Variants in CTNND2 observed in about 807,000 individuals in gnomAD.
CTNND2 encodes the protein catenin delta 2, also known as catenin delta-2.
Under a neutral mutation model 144.4 loss-of-function variants are expected in CTNND2, and 22 were observed. The observed-to-expected ratio is 0.15, with a 90% CI of 0.11 to 0.22. The LOEUF (loss-of-function observed/expected upper bound fraction) is 0.22, where lower values mean the gene tolerates loss of function less well. Among genes scored for constraint, CTNND2 ranks in the 10% least tolerant of loss-of-function variants. The pLI is 1.00. For synonymous variants in CTNND2, 751 were observed against 695.6 expected (o/e 1.08, Z -1.25); for missense variants, 1,353 against 1,618.8 (o/e 0.84, Z 2.82).
intron 1 of CTNND2, among the ~76,000 whole-genome samples, chr5:11,889,787 A>AT (rs1384084705): frequency 1.3e-5 from 2 of 152,228 alleles, no homozygotes; most frequent in Non-Finnish European, 2.9e-5. Context: ...ACATTTTATT[A>AT]CATTGCAACT....
intron 9 of CTNND2, among the ~76,000 whole-genome samples, chr5:11,330,483 CAAAAAAAAAAAAAAA>C (rs10627159): frequency 4.6e-5 from 2 of 43,442 alleles, no homozygotes; most frequent in East Asian, 8.0e-4. Flanking sequence ...GACTCCGTCT[CAAAAAAAAAAAAAAA>C]AAAAAAAAAA....
chr5:11,022,570 T>C (rs1742370936), intron 17 of CTNND2, among the ~76,000 whole-genome samples, 199 bp downstream of exon 17: 1 of 152,170 alleles, frequency 6.6e-6, no homozygotes, highest in Admixed American at 6.5e-5. Flanking sequence ...AAGGAGCACA[T>C]GGGTGTGCTG....
intron 7 of CTNND2, among the ~76,000 whole-genome samples, chr5:11,378,274 C>T (rs1182284950): frequency 6.6e-6 from 1 of 152,156 alleles, no homozygotes; most frequent in East Asian, 1.9e-4. Context: ...TCTAAAGACA[C>T]CTGGGGCAGG....
At chr5:11,519,570 G>A (rs372723738) in intron 3 of CTNND2, among the ~76,000 whole-genome samples, 6 of 150,484 alleles carry the variant, frequency 4.0e-5, no homozygotes, top group South Asian at 4.2e-4. Flanking sequence ...GACGATTGGC[G>A]TCTTGTCTTC....
intron 2 of CTNND2, among the ~76,000 whole-genome samples, chr5:11,727,991 TAA>T (rs2126732726): frequency 1.3e-5 from 2 of 152,308 alleles, no homozygotes; most frequent in South Asian, 4.1e-4. Context: ...TATATAGAGT[TAA>T]GTTACTTTTG....
At chr5:11,419,005 T>G (rs896726958) in intron 3 of CTNND2, among the ~76,000 whole-genome samples, 21 of 148,686 alleles carry the variant, frequency 1.4e-4, no homozygotes, top group African/African-American at 4.4e-4. Context: ...TCTATATATA[T>G]ATATCTATAT....
At chr5:11,219,658 G>A (rs990516839) in intron 10 of CTNND2, among the ~76,000 whole-genome samples, 12 of 152,150 alleles carry the variant, frequency 7.9e-5, no homozygotes, top group African/African-American at 2.9e-4. Flanking sequence ...AGCAGAGAGA[G>A]GGGATGTGAT....
intron 14 of CTNND2, among the ~76,000 whole-genome samples, chr5:11,099,498 T>C (rs113639218): frequency 1.5e-4 from 23 of 152,296 alleles, no homozygotes; most frequent in African/African-American, 5.5e-4. Flanking sequence ...GAAGACTATG[T>C]AGCAACTTGG....
At chr5:11,340,659 C>T (rs1754165742) in intron 9 of CTNND2, among the ~76,000 whole-genome samples, 1 of 152,138 alleles carries the variant, frequency 6.6e-6, no homozygotes, top group Admixed American at 6.5e-5. Flanking sequence ...AAAGAAAATT[C>T]CAGATAAGAT....
intron 3 of CTNND2, among the ~76,000 whole-genome samples, chr5:11,472,160 G>C (rs1379034105): frequency 6.6e-6 from 1 of 152,034 alleles, no homozygotes; most frequent in Non-Finnish European, 1.5e-5. Flanking sequence ...TTTTGGGGGG[G>C]ATCCTCACTT....
At chr5:11,430,846 A>G (rs1300396508) in intron 3 of CTNND2, among the ~76,000 whole-genome samples, 1 of 152,222 alleles carries the variant, frequency 6.6e-6, no homozygotes, top group East Asian at 1.9e-4. Context: ...GTTTATCTGG[A>G]TAATCTGAGC....
At chr5:11,363,754 AT>A (rs1303573698) in intron 8 of CTNND2, among the ~76,000 whole-genome samples, 1 of 152,220 alleles carries the variant, frequency 6.6e-6, no homozygotes, top group Non-Finnish European at 1.5e-5. Context: ...GAAAATTGCT[AT>A]GCTCTACTTA....
intron 9 of CTNND2, among the ~76,000 whole-genome samples, chr5:11,323,583 G>C (rs2150072327): frequency 6.6e-6 from 1 of 152,288 alleles, no homozygotes; most frequent in African/African-American, 2.4e-5. Context: ...ACAGGGTACA[G>C]GATCCTGGGA....
chr5:11,778,953 C>A (rs1790399067), intron 1 of CTNND2, among the ~76,000 whole-genome samples: 2 of 152,136 alleles, frequency 1.3e-5, no homozygotes. Flanking sequence ...AAAAATCCCC[C>A]AAAATCAGTT....
intron 3 of CTNND2, among the ~76,000 whole-genome samples, chr5:11,485,043 A>G (rs1439673479): frequency 1.3e-5 from 2 of 152,208 alleles, no homozygotes; most frequent in African/African-American, 4.8e-5. Context: ...TCAAAAAAAA[A>G]TGTGGTTTCA....
rs780723345 is a variant in CTNND2 at position 11,706,731 on chromosome 5, G to A, written c.174+25405C>T. On this transcript the variant is annotated intron_variant, in intron 2 of 21. Transcript: ENST00000304623. ...AGCATTTCTGAGATTTGCACAAATTGTTGTATGCATCATAATTAGTTTTTT... is the reference window on the plus strand; with the variant it reads ...AGCATTTCTGAGATTTGCACAAATTATTGTATGCATCATAATTAGTTTTTT... Among the ~76,000 whole-genome samples the A allele has an allele frequency of 3.3e-5, 5 of 152,052 alleles. 1 individual carries two copies. The highest frequency in any genetic ancestry group is 1.3e-4 in the Admixed American group (2 of 15,272).
chr5:11,070,147 T>A (rs1469577224), intron 16 of CTNND2, among the ~76,000 whole-genome samples: 1 of 152,088 alleles, frequency 6.6e-6, no homozygotes, highest in African/African-American at 2.4e-5. Context: ...AAATCCACAA[T>A]AATATAGATG....
chr5:11,662,225 GTATATATGTATA>G (rs1186137539), intron 2 of CTNND2, among the ~76,000 whole-genome samples: 3 of 135,526 alleles, frequency 2.2e-5, no homozygotes, highest in African/African-American at 8.8e-5. Context: ...ACATATATGT[GTATATATGTATA>G]TATATACATA....
chr5:11,549,292 T>C (rs1050119982), intron 3 of CTNND2, among the ~76,000 whole-genome samples: 1 of 152,190 alleles, frequency 6.6e-6, no homozygotes, highest in Admixed American at 6.5e-5. Flanking sequence ...ATATACGGTG[T>C]CTGCAACATT....
Sources: gnomAD v4.1 joint callset for allele counts (sites outside exome capture counted in the v4.1 genomes callset) on GRCh38, gnomAD v4.1.1 for gene constraint, MANE v1.5 for transcripts, NCBI Gene and HGNC (gene_info 2026-07-23, HGNC 2026-07-21) for gene names.